MTSS1: variants seen among roughly 807,000 people sequenced by gnomAD.
The protein encoded by MTSS1 is protein MTSS 1.
A neutral mutation model predicts 79.0 loss-of-function variants in MTSS1; 18 were observed. That is an observed-to-expected ratio of 0.23 (90% confidence interval 0.16 to 0.34). MTSS1 has a LOEUF of 0.34. MTSS1 is among the 10% of genes least tolerant of loss of function. The pLI is 1.00. For synonymous variants in MTSS1, 341 were observed against 368.6 expected, an observed-to-expected ratio of 0.93 and a Z score of 0.86; for missense variants, 815 against 986.2, an observed-to-expected ratio of 0.83 and a Z score of 2.33.
intron 3 of MTSS1, among the ~76,000 whole-genome samples, chr8:124,673,736 G>A (rs16893083): frequency 0.056 from 8,480 of 152,280 alleles, 252 homozygotes; most frequent in East Asian, 0.068. Context: ...GTGGTGTGTC[G>A]AGCAGAGGAA....
In MTSS1 at chr8:124,691,958, G is replaced by C. The variant is rs111481042; in HGVS notation, c.208+7568C>G. ...TTTGAAAAAAAATTGTTTTCAGTTT[G>C]AGGCTAAAGAGTTTGGTAAGTAGTA... On this transcript the variant is annotated intron_variant, in intron 3 of 13. Coordinates refer to ENST00000518547, the MANE Select transcript of MTSS1 (RefSeq NM_014751.6). Among the ~76,000 whole-genome samples the C allele has an allele frequency of 1.2e-3, 189 of 151,976 alleles. 2 individuals are homozygous for C. Among genetic ancestry groups the C allele is most frequent in the African/African-American group, 3.9e-3 (161 of 41,430 alleles).
At chr8:124,623,371 A>G (rs944180683) in intron 3 of MTSS1, among the ~76,000 whole-genome samples, 3 of 152,226 alleles carry the variant, frequency 2.0e-5, no homozygotes, top group African/African-American at 7.2e-5. Context: ...CAGGAAAGGC[A>G]AAAATTATTG....
intron 3 of MTSS1, among the ~76,000 whole-genome samples, chr8:124,666,482 A>C (rs1016149125): frequency 6.6e-6 from 1 of 152,228 alleles, no homozygotes; most frequent in African/African-American, 2.4e-5. Context: ...CAAAGATATA[A>C]GAGAAAATGG....
intron 3 of MTSS1, among the ~76,000 whole-genome samples, chr8:124,679,349 C>T (rs2134914628): frequency 6.6e-6 from 1 of 152,314 alleles, no homozygotes; most frequent in East Asian, 1.9e-4. Flanking sequence ...CTCCAATGCT[C>T]GTGGTCTAGG....
chr8:124,667,143 G>A (rs1563962645), intron 3 of MTSS1, among the ~76,000 whole-genome samples: 2 of 152,140 alleles, frequency 1.3e-5, no homozygotes, highest in Admixed American at 1.3e-4. Flanking sequence ...ATTTGAGATG[G>A]TGAGTTTGAG....
chr8:124,633,861 G>A (rs750700666), intron 3 of MTSS1, among the ~76,000 whole-genome samples: 2 of 151,808 alleles, frequency 1.3e-5, no homozygotes, highest in Admixed American at 1.3e-4. Flanking sequence ...AATTTCTGAC[G>A]GTGGTTCTAG....
intron 5 of MTSS1, among the ~76,000 whole-genome samples, chr8:124,588,369 T>G (rs76323552): frequency 6.6e-6 from 1 of 152,082 alleles, no homozygotes; most frequent in Non-Finnish European, 1.5e-5. Context: ...GTAGCCCCCA[T>G]AGCGCCTAGC....
intron 3 of MTSS1, 108 bp downstream of exon 3, chr8:124,699,418 C>A: frequency 1.1e-6 from 1 of 931,852 alleles, no homozygotes; most frequent in South Asian, 1.6e-5. Flanking sequence ...AAATACGAGT[C>A]AGCTCAGCTC....
chr8:124,725,102 G>A lies in MTSS1; in HGVS notation c.72+2782C>T, dbSNP rs114774245. On this transcript the variant is annotated intron_variant, in intron 1 of 13. Transcript: ENST00000518547. ...GAAACAAACCACCAGGCTTCCTCTC[G>A]TCAAGGAATCGATATGTTGTTTACT... 5.5e-3 allele frequency among the ~76,000 whole-genome samples: 832 copies of A among 152,284 alleles called. 7 individuals are homozygous for A. The highest frequency in any genetic ancestry group is 0.016 in the African/African-American group (647 of 41,554).
chr8:124,727,794 G>GC lies in MTSS1; in HGVS notation c.72+89dup, dbSNP rs1833954928. On this transcript the variant is annotated intron_variant, in intron 1 of 13. Coordinates refer to ENST00000518547, the MANE Select transcript of MTSS1 (RefSeq NM_014751.6). The surrounding 1 kb of genome is among the most constrained non-coding windows in gnomAD (Gnocchi z 4.7). ...GCCGGTGGCCACACTGCAGGGAAGG[G>GC]CCGGGTGCCCGGCCCGGGGTGGAGG... is the stretch of plus-strand genomic sequence containing the variant. 2 of 1,190,050 alleles carry GC rather than the reference G, an allele frequency of 1.7e-6. No individual in the cohort carries two copies. The highest frequency in any genetic ancestry group is 7.4e-5 in the Admixed American group (2 of 27,048). The allele number at this position is 1,190,050 out of a possible 1,614,324, so 73.7% of individuals were successfully genotyped here.
rs115811890 is a variant in MTSS1 at position 124,700,203 on chromosome 8, G to A, written c.135-604C>T. 4.8e-3 allele frequency among the ~76,000 whole-genome samples: 723 copies of A among 151,882 alleles called. 13 individuals carry two copies. The highest frequency in any genetic ancestry group is 0.017 in the African/African-American group (689 of 41,464). On this transcript the variant is annotated intron_variant, in intron 2 of 13. Transcript: ENST00000518547. ...AGTTTTATACAGGAGGAAAACAGAG[G>A]CATTTCTACCTAAAAGGAAAAATAA...
intron 3 of MTSS1, among the ~76,000 whole-genome samples, chr8:124,678,825 T>TCTCTACCATGACTGGTAG (rs1825707573): frequency 6.6e-6 from 1 of 152,220 alleles, no homozygotes; most frequent in South Asian, 2.1e-4. Context: ...ATGAACAAGG[T>TCTCTACCATGACTGGTAG]AGACCCAGTC....
chr8:124,710,101 C>G (rs1830942502), intron 1 of MTSS1, among the ~76,000 whole-genome samples: 1 of 152,218 alleles, frequency 6.6e-6, no homozygotes, highest in Non-Finnish European at 1.5e-5. Flanking sequence ...CCAGCTCTCT[C>G]CAAGGGACAC....
At position 124,622,877 on chromosome 8, in the gene MTSS1, A is replaced by G. The variant is rs1371946060; in HGVS notation, c.209-31642T>C. Among the ~76,000 whole-genome samples, 5 of 152,230 alleles carry G rather than the reference A, an allele frequency of 3.3e-5. No homozygotes were observed. In the South Asian group the frequency reaches 8.3e-4, roughly 25 times the overall value. On this transcript the variant is annotated intron_variant, in intron 3 of 13. Transcript: ENST00000518547. ...AGTAACCATTTCACTAAGTGTATCA[A>G]AACTTCATGTTGTACACCTTAAATA...
chr8:124,707,176 C>T (rs1830493230), intron 1 of MTSS1, among the ~76,000 whole-genome samples: 1 of 152,082 alleles, frequency 6.6e-6, no homozygotes, highest in African/African-American at 2.4e-5. Context: ...AGAGCCAGAC[C>T]CTCCTCTCCC....
chr8:124,639,295 G>A lies in MTSS1; in HGVS notation c.209-48060C>T, dbSNP rs573392488. Among the ~76,000 whole-genome samples, 13 of 152,238 alleles carry A rather than the reference G, an allele frequency of 8.5e-5. No homozygotes were observed. In the South Asian group the frequency reaches 2.5e-3, roughly 29 times the overall value. ...AGAGGTTGCAGTGAGCCAAGATCAC[G>A]CCACTGCACTCTAGCCTGCGCCACA... is the stretch of plus-strand genomic sequence containing the variant. On this transcript the variant is annotated intron_variant, in intron 3 of 13. Coordinates refer to ENST00000518547, the MANE Select transcript of MTSS1 (RefSeq NM_014751.6).
chr8:124,716,155 T>A (rs1165303582), intron 1 of MTSS1, among the ~76,000 whole-genome samples: 2 of 151,902 alleles, frequency 1.3e-5, no homozygotes, highest in East Asian at 3.9e-4. Flanking sequence ...GAACTGCAGA[T>A]CCCAAAGCCC....
At chr8:124,681,386 A>T (rs1212592900) in intron 3 of MTSS1, among the ~76,000 whole-genome samples, 1 of 152,126 alleles carries the variant, frequency 6.6e-6, no homozygotes, top group Non-Finnish European at 1.5e-5. Context: ...TTTTGTTTTG[A>T]GGTATGTCTT....
At chr8:124,555,949 G>A (rs201460545) in intron 12 of MTSS1, 45 bp from the exon 13 acceptor site, 119 of 1,470,542 alleles carry the variant, frequency 8.1e-5, no homozygotes, top group Middle Eastern at 5.1e-4. Context: ...TTAGGGGGGG[G>A]GCTCAACAGC....
Sources: gnomAD v4.1 joint callset for allele counts (sites outside exome capture counted in the v4.1 genomes callset) on GRCh38, gnomAD v4.1.1 for gene constraint, Gnocchi (gnomAD v3.1) non-coding constraint, MANE v1.5 for transcripts, NCBI Gene and HGNC (gene_info 2026-07-23, HGNC 2026-07-21) for gene names.